PHACTR3: variants seen among roughly 807,000 people sequenced by gnomAD.
The protein encoded by PHACTR3 is phosphatase and actin regulator 3.
Under a neutral mutation model 66.8 loss-of-function variants are expected in PHACTR3, and 16 were observed. That is an observed-to-expected ratio of 0.24 (90% CI 0.16 to 0.36). The LOEUF (loss-of-function observed/expected upper bound fraction) is 0.36. Ranked by LOEUF, PHACTR3 falls within the 10% of genes least tolerant of loss-of-function variation. PHACTR3 has a pLI of 1.00. For synonymous variants in PHACTR3, 323 were observed against 292.1 expected (o/e 1.11, Z -1.08); for missense variants, 647 against 719.9 (o/e 0.90, Z 1.16).
chr20:59,686,641 GTGGTGATGATGA>G (rs1568711235), intron 1 of PHACTR3, among the ~76,000 whole-genome samples: 1 of 147,058 alleles, frequency 6.8e-6, no homozygotes, highest in Non-Finnish European at 1.5e-5. Context: ...TGTGATGATG[GTGGTGATGATGA>G]TGGTGGTGAT....
chr20:59,596,050 GT>G (rs1421517642), intron 1 of PHACTR3, among the ~76,000 whole-genome samples: 2 of 152,186 alleles, frequency 1.3e-5, no homozygotes, highest in Non-Finnish European at 2.9e-5. Flanking sequence ...AAGCCGCCTC[GT>G]GTCCTCTCTT....
chr20:59,694,818 CA>C (rs1006212124), intron 1 of PHACTR3, among the ~76,000 whole-genome samples: 10 of 152,058 alleles, frequency 6.6e-5, no homozygotes, highest in African/African-American at 2.4e-4. Context: ...GCAGCAGGGA[CA>C]GGGGGAAATG....
chr20:59,605,263 C>G, intron 1 of PHACTR3, 131 bp downstream of exon 1: 1 of 561,456 alleles, frequency 1.8e-6, no homozygotes, highest in Non-Finnish European at 2.7e-6. Flanking sequence ...CGCTCGGCCC[C>G]GCGGTTCCTA....
intron 1 of PHACTR3, among the ~76,000 whole-genome samples, chr20:59,727,672 T>G (rs1234533918): frequency 6.6e-6 from 1 of 152,202 alleles, no homozygotes; most frequent in Non-Finnish European, 1.5e-5. Context: ...GAGGTACTTA[T>G]AAAGCCGAAT....
chr20:59,743,335 G>C, intron 2 of PHACTR3, 67 bp downstream of exon 2: 3 of 1,573,910 alleles, frequency 1.9e-6, no homozygotes, highest in Non-Finnish European at 2.6e-6. Flanking sequence ...TGGTGCTGCG[G>C]CCCCTGCTGA....
At chr20:59,634,694 C>G (rs185995252) in intron 1 of PHACTR3, among the ~76,000 whole-genome samples, 1 of 152,180 alleles carries the variant, frequency 6.6e-6, no homozygotes, top group East Asian at 1.9e-4. Context: ...TTTATCTTCT[C>G]GGGTCTCCTT....
At chr20:59,823,998 C>T (rs996686123) in intron 8 of PHACTR3, among the ~76,000 whole-genome samples, 2 of 152,228 alleles carry the variant, frequency 1.3e-5, no homozygotes, top group African/African-American at 4.8e-5. Context: ...AGGGAGGCCA[C>T]GAAGTCAGCA....
In PHACTR3 at chr20:59,829,837, C is replaced by T. The variant is rs2145461085; in HGVS notation, c.1329-6668C>T. Among the ~76,000 whole-genome samples, 1 of 152,358 alleles carries T rather than the reference C, an allele frequency of 6.6e-6. No individual in the cohort carries two copies. Among genetic ancestry groups the T allele is most frequent in the East Asian group, 1.9e-4 (1 of 5,190 alleles). ...AGGTGACTTTAGATGTTGATTCAAA[C>T]CTTTTCTGTGACATCTGTGCTGGGG... On this transcript the variant is annotated intron_variant, in intron 8 of 12. Coordinates refer to ENST00000371015, the MANE Select transcript of PHACTR3 (RefSeq NM_080672.5). The surrounding 1 kb of genome is among the most constrained non-coding windows in gnomAD (Gnocchi z 4.2).
intron 1 of PHACTR3, among the ~76,000 whole-genome samples, chr20:59,577,931 C>T (rs2032760508): frequency 6.6e-6 from 1 of 152,270 alleles, no homozygotes; most frequent in African/African-American, 2.4e-5. Flanking sequence ...TGAGCCTGTG[C>T]GCATGGCGTT....
In PHACTR3 at chr20:59,830,457, T is replaced by TGAAC. The variant is rs2042332827; in HGVS notation, c.1329-6047_1329-6044dup. Among the ~76,000 whole-genome samples the TGAAC allele has an allele frequency of 6.6e-6, 1 of 151,964 alleles. No homozygotes were observed. The highest frequency in any genetic ancestry group is 6.6e-5 in the Admixed American group (1 of 15,262). On this transcript the variant is annotated intron_variant, in intron 8 of 12. Transcript: ENST00000371015. The surrounding 1 kb of genome is among the most constrained non-coding windows in gnomAD (Gnocchi z 5.8). ...TGTGGGCATCTGATGGAGGAAGATG[T>TGAAC]GAACATCTGATGGAGGTGTGAATGA... is the stretch of plus-strand genomic sequence containing the variant.
At chr20:59,675,118 CCCCT>C in intron 1 of PHACTR3, among the ~76,000 whole-genome samples, 1 of 88,204 alleles carries the variant, frequency 1.1e-5, no homozygotes, top group East Asian at 6.4e-4. Flanking sequence ...TCCCCCTCCT[CCCCT>C]CCACTTACCC....
intron 1 of PHACTR3, among the ~76,000 whole-genome samples, chr20:59,724,742 G>A (rs1325519540): frequency 4.6e-5 from 7 of 152,170 alleles, no homozygotes; most frequent in Admixed American, 3.3e-4. Context: ...TCCAGTACAC[G>A]CTCTCAAGCG....
At chr20:59,788,377 T>C (rs2040987785) in intron 7 of PHACTR3, among the ~76,000 whole-genome samples, 1 of 152,142 alleles carries the variant, frequency 6.6e-6, no homozygotes, top group Non-Finnish European at 1.5e-5. Flanking sequence ...CAGGCACCCA[T>C]TGCAGGGTCT....
chr20:59,672,194 C>T (rs970195999), intron 1 of PHACTR3, among the ~76,000 whole-genome samples: 1 of 152,202 alleles, frequency 6.6e-6, no homozygotes. Flanking sequence ...CCCCACAGTG[C>T]CCAGGACGGC....
At chr20:59,735,627 G>A (rs2038918881) in intron 1 of PHACTR3, among the ~76,000 whole-genome samples, 1 of 152,174 alleles carries the variant, frequency 6.6e-6, no homozygotes, top group Non-Finnish European at 1.5e-5. Context: ...AACAGACCCT[G>A]GCTCCAGCGT....
chr20:59,840,643 C>T (rs781264138), intron 10 of PHACTR3, among the ~76,000 whole-genome samples: 15 of 152,224 alleles, frequency 9.9e-5, no homozygotes, highest in East Asian at 3.9e-4. Context: ...TTCCCTAGCA[C>T]GGTAGCACTT....
chr20:59,605,528 C>A (rs892987614), intron 1 of PHACTR3, among the ~76,000 whole-genome samples: 1 of 152,228 alleles, frequency 6.6e-6, no homozygotes, highest in African/African-American at 2.4e-5. Flanking sequence ...CGGACGTCCC[C>A]GCTTGGGCAT....
chr20:59,810,229 CT>C (rs1163644226), intron 8 of PHACTR3, among the ~76,000 whole-genome samples: 1 of 152,242 alleles, frequency 6.6e-6, no homozygotes, highest in African/African-American at 2.4e-5. Flanking sequence ...GAAGGTTGGG[CT>C]GCCGGGGATA....
chr20:59,749,387 G>A (rs975729210), intron 3 of PHACTR3, among the ~76,000 whole-genome samples: 1 of 152,176 alleles, frequency 6.6e-6, no homozygotes, highest in Non-Finnish European at 1.5e-5. Flanking sequence ...ACTAATTAAA[G>A]GGGAAAACTT....
Sources: gnomAD v4.1 joint callset for allele counts (sites outside exome capture counted in the v4.1 genomes callset) on GRCh38, gnomAD v4.1.1 for gene constraint, Gnocchi (gnomAD v3.1) non-coding constraint, MANE v1.5 for transcripts, NCBI Gene and HGNC (gene_info 2026-07-23, HGNC 2026-07-21) for gene names.